Variants in FHOD3 observed in about 807,000 individuals in gnomAD.
FHOD3 encodes formin homology 2 domain containing 3, also known as FH1/FH2 domain-containing protein 3.
FHOD3 carries 90 observed loss-of-function variants against 173.0 expected under a neutral mutation model. The observed-to-expected ratio is 0.52, with a 90% CI of 0.44 to 0.62. FHOD3 has a LOEUF of 0.62. Among genes scored for constraint, FHOD3 ranks in the 20% least tolerant of loss-of-function variants. The pLI is 0.00. For missense variants in FHOD3, 1,945 were observed against 2,034.7 expected (o/e 0.96, Z 0.85); for synonymous variants, 828 against 823.0 (o/e 1.01, Z -0.10).
intron 5 of FHOD3, among the ~76,000 whole-genome samples, chr18:36,566,021 CTG>C (rs2058250784): frequency 6.6e-6 from 1 of 152,228 alleles, no homozygotes; most frequent in South Asian, 2.1e-4. Flanking sequence ...GATTATATCT[CTG>C]TGCCCATTTA....
At chr18:36,359,154 G>A (rs1163561434) in intron 2 of FHOD3, among the ~76,000 whole-genome samples, 1 of 152,162 alleles carries the variant, frequency 6.6e-6, no homozygotes, top group Non-Finnish European at 1.5e-5. Context: ...ATAGCAAAAT[G>A]TCTGCTAATA....
chr18:36,571,023 A>G (rs573438311), intron 5 of FHOD3, among the ~76,000 whole-genome samples: 16 of 152,286 alleles, frequency 1.1e-4, no homozygotes, highest in Middle Eastern at 6.8e-3. Context: ...CACTAGTGCA[A>G]TAGGGATGGG....
chr18:36,423,958 A>G (rs543531517), intron 3 of FHOD3, among the ~76,000 whole-genome samples: 1 of 152,348 alleles, frequency 6.6e-6, no homozygotes, highest in East Asian at 1.9e-4. Flanking sequence ...CAATTTGAGC[A>G]TAACGTGGAT....
chr18:36,724,318 C>T lies in FHOD3; in HGVS notation c.3417+5603C>T, dbSNP rs538366222. On this transcript the variant is annotated intron_variant, in intron 19 of 28. Transcript: ENST00000590592. ...CTATTACCATGTGTGACTTTCTGCCCCACGGAGTGGCTGAGTTTGCAGGCT... is the reference window on the plus strand; with the variant it reads ...CTATTACCATGTGTGACTTTCTGCCTCACGGAGTGGCTGAGTTTGCAGGCT... 2.0e-5 allele frequency among the ~76,000 whole-genome samples: 3 copies of T among 152,324 alleles called. No homozygotes were observed. In the South Asian group the frequency reaches 6.2e-4, roughly 32 times the overall value.
intron 2 of FHOD3, among the ~76,000 whole-genome samples, chr18:36,363,185 T>A (rs1346779004): frequency 6.6e-6 from 1 of 152,214 alleles, no homozygotes; most frequent in Non-Finnish European, 1.5e-5. Flanking sequence ...GAACACTCAT[T>A]CATTGCTGGT....
At chr18:36,403,980 G>T (rs2048942196) in intron 3 of FHOD3, among the ~76,000 whole-genome samples, 1 of 152,168 alleles carries the variant, frequency 6.6e-6, no homozygotes, top group African/African-American at 2.4e-5. Flanking sequence ...GGCTTTCCTT[G>T]TGGGATCATA....
chr18:36,559,221 C>G (rs1291170358), intron 5 of FHOD3, among the ~76,000 whole-genome samples: 1 of 152,186 alleles, frequency 6.6e-6, no homozygotes, highest in Non-Finnish European at 1.5e-5. Flanking sequence ...GATTTCAAAA[C>G]TGTCCAGCGT....
At chr18:36,769,622 A>G (rs779901654) in intron 28 of FHOD3, among the ~76,000 whole-genome samples, 196 bp downstream of exon 28, 1 of 152,172 alleles carries the variant, frequency 6.6e-6, no homozygotes, top group Non-Finnish European at 1.5e-5. Context: ...AGCTGCAGCC[A>G]CACCTGTTCA....
intron 6 of FHOD3, among the ~76,000 whole-genome samples, chr18:36,586,734 C>T (rs2059046044): frequency 1.3e-5 from 2 of 152,184 alleles, no homozygotes; most frequent in South Asian, 4.1e-4. Flanking sequence ...CCCACCTCGG[C>T]CCCGCAAAGT....
At chr18:36,382,007 G>A (rs2047815575) in intron 3 of FHOD3, among the ~76,000 whole-genome samples, 1 of 152,198 alleles carries the variant, frequency 6.6e-6, no homozygotes, top group African/African-American at 2.4e-5. Flanking sequence ...GTGCATGTTC[G>A]TGGCCTGTGC....
At chr18:36,484,187 G>A (rs1568333650) in intron 3 of FHOD3, among the ~76,000 whole-genome samples, 1 of 152,168 alleles carries the variant, frequency 6.6e-6, no homozygotes, top group Non-Finnish European at 1.5e-5. Context: ...TAGCTGTGAG[G>A]GCTCCTTCAT....
At chr18:36,778,624 G>A (rs912488152) in intron 28 of FHOD3, 1 of 152,164 alleles carries the variant, frequency 6.6e-6, no homozygotes, top group East Asian at 1.9e-4. Flanking sequence ...CCAATTCTAA[G>A]TCAGTTAAAT....
intron 17 of FHOD3, among the ~76,000 whole-genome samples, chr18:36,704,674 C>T (rs978414623): frequency 1.3e-5 from 2 of 152,214 alleles, no homozygotes; most frequent in African/African-American, 4.8e-5. Context: ...TGGCACGGGC[C>T]TTCACTGTTC....
At chr18:36,402,683 G>A (rs2048882794) in intron 3 of FHOD3, among the ~76,000 whole-genome samples, 2 of 152,108 alleles carry the variant, frequency 1.3e-5, no homozygotes, top group Non-Finnish European at 1.5e-5. Context: ...CTTGTTTGAT[G>A]TGACATTGTG....
At chr18:36,670,674 TA>T (rs2037474489) in intron 14 of FHOD3, among the ~76,000 whole-genome samples, 2 of 152,246 alleles carry the variant, frequency 1.3e-5, no homozygotes, top group African/African-American at 4.8e-5. Flanking sequence ...TCAAATAATT[TA>T]CTTTTTTTCT....
intron 3 of FHOD3, among the ~76,000 whole-genome samples, chr18:36,460,874 T>TAGGGA (rs1193310934): frequency 1.3e-5 from 2 of 152,192 alleles, no homozygotes; most frequent in Non-Finnish European, 2.9e-5. Flanking sequence ...GTTTCCTACA[T>TAGGGA]GCTCCTGCTC....
intron 13 of FHOD3, among the ~76,000 whole-genome samples, chr18:36,653,766 A>G (rs2036225897): frequency 6.6e-6 from 1 of 152,214 alleles, no homozygotes; most frequent in Non-Finnish European, 1.5e-5. Flanking sequence ...TCCAAAAATC[A>G]ATAGTTGATC....
At chr18:36,644,458 C>G (rs2035547439) in intron 10 of FHOD3, among the ~76,000 whole-genome samples, 2 of 152,212 alleles carry the variant, frequency 1.3e-5, no homozygotes, top group Admixed American at 1.3e-4. Context: ...TTCTCCACCC[C>G]TTTGCATTAT....
intron 19 of FHOD3, among the ~76,000 whole-genome samples, chr18:36,721,201 G>C (rs1680551952): frequency 6.6e-6 from 1 of 152,182 alleles, no homozygotes; most frequent in African/African-American, 2.4e-5. Flanking sequence ...TGGTATATTG[G>C]ACGAAAAGTT....
Sources: gnomAD v4.1 joint callset for allele counts (sites outside exome capture counted in the v4.1 genomes callset) on GRCh38, gnomAD v4.1.1 for gene constraint, MANE v1.5 for transcripts, NCBI Gene and HGNC (gene_info 2026-07-23, HGNC 2026-07-21) for gene names.